The following PTPRN2 variants were observed in gnomAD, a reference collection of about 807,000 sequenced individuals.
PTPRN2 encodes protein tyrosine phosphatase receptor type N2.
A neutral mutation model predicts 118.8 loss-of-function variants in PTPRN2; 74 were observed. That is an observed-to-expected ratio of 0.62 (90% CI 0.52 to 0.76). The LOEUF is 0.76. Among genes scored for constraint, PTPRN2 ranks in the 30% least tolerant of loss-of-function variants. PTPRN2 has a pLI of 0.00. For missense variants in PTPRN2, 1,481 were observed against 1,394.4 expected (o/e 1.06, Z -0.99); for synonymous variants, 641 against 608.0 (o/e 1.05, Z -0.80).
At chr7:158,327,220 C>A (rs562788293) in intron 2 of PTPRN2, among the ~76,000 whole-genome samples, 1 of 151,202 alleles carries the variant, frequency 6.6e-6, no homozygotes, top group East Asian at 1.9e-4. Flanking sequence ...CAAACACACA[C>A]GTAAACATTC....
chr7:158,412,788 C>G (rs1448079422), intron 2 of PTPRN2, among the ~76,000 whole-genome samples: 2 of 139,186 alleles, frequency 1.4e-5, no homozygotes, highest in African/African-American at 5.4e-5. Flanking sequence ...CATCCAGCAC[C>G]CTCCTCAGCT....
intron 14 of PTPRN2, among the ~76,000 whole-genome samples, chr7:157,631,692 C>T (rs540939281): frequency 1.7e-3 from 258 of 152,232 alleles, no homozygotes; most frequent in African/African-American, 5.7e-3. Flanking sequence ...ATTAGCCAGG[C>T]GTGGTGGTGG....
intron 8 of PTPRN2, among the ~76,000 whole-genome samples, chr7:158,136,261 A>T (rs928560514): frequency 1.3e-5 from 2 of 152,238 alleles, no homozygotes; most frequent in Admixed American, 6.5e-5. Context: ...CAGAGGTGCC[A>T]CACGGGACAG....
intron 2 of PTPRN2, among the ~76,000 whole-genome samples, chr7:158,365,299 G>T (rs1809348605): frequency 1.3e-5 from 2 of 152,194 alleles, no homozygotes; most frequent in Admixed American, 6.5e-5. Context: ...GCTGGAGGCA[G>T]ACCTCATCGG....
intron 14 of PTPRN2, among the ~76,000 whole-genome samples, chr7:157,650,901 A>G (rs185354729): frequency 1.2e-4 from 18 of 152,200 alleles, no homozygotes; most frequent in Non-Finnish European, 7.3e-5. Flanking sequence ...AGATCAAACA[A>G]TGAGAGACAG....
intron 2 of PTPRN2, among the ~76,000 whole-genome samples, chr7:158,362,621 G>A (rs991665369): frequency 7.9e-5 from 12 of 152,184 alleles, no homozygotes; most frequent in African/African-American, 2.9e-4. Context: ...AGCCCCAGGA[G>A]CCCCAGTTTC....
Position 157,987,152 on chromosome 7 carries a change from C to T in PTPRN2, c.1724-88415G>A, listed in dbSNP as rs1027893571. Among the ~76,000 whole-genome samples the T allele has an allele frequency of 2.6e-5, 4 of 152,180 alleles. No homozygotes were observed. Among genetic ancestry groups the T allele is most frequent in the African/African-American group, 7.2e-5 (3 of 41,448 alleles). On this transcript the variant is annotated intron_variant, in intron 11 of 22. Coordinates refer to ENST00000389418, the MANE Select transcript of PTPRN2 (RefSeq NM_002847.5). This position sits in a 1 kb window ranked among gnomAD's most constrained non-coding sequence, Gnocchi z 4.3. ...CTGCACTGCCCCAGCACGCCGCCCA[C>T]GCTTGGTCGGCAACACAGAGATTCC...
At chr7:157,959,442 G>A (rs1046506838) in intron 11 of PTPRN2, among the ~76,000 whole-genome samples, 3 of 152,208 alleles carry the variant, frequency 2.0e-5, no homozygotes, top group African/African-American at 4.8e-5. Context: ...CCCAAAGAAT[G>A]AGAGAAAACA....
intron 10 of PTPRN2, among the ~76,000 whole-genome samples, chr7:158,092,256 G>A (rs950198140): frequency 6.9e-6 from 1 of 144,628 alleles, no homozygotes; most frequent in Admixed American, 7.0e-5. Flanking sequence ...ATATATACAT[G>A]TGCATATATA....
intron 1 of PTPRN2, among the ~76,000 whole-genome samples, chr7:158,558,705 T>C (rs1258683735): frequency 6.7e-6 from 1 of 148,242 alleles, no homozygotes; most frequent in Non-Finnish European, 1.5e-5. Flanking sequence ...TCCTCAGTAT[T>C]CACGCCAAGC....
chr7:158,483,047 T>G (rs1285316873), intron 2 of PTPRN2, among the ~76,000 whole-genome samples: 1 of 152,230 alleles, frequency 6.6e-6, no homozygotes, highest in Non-Finnish European at 1.5e-5. Context: ...CAGGCCTTGC[T>G]GAGCCCTTCA....
chr7:158,483,067 A>T (rs1820756917), intron 2 of PTPRN2, among the ~76,000 whole-genome samples: 1 of 152,206 alleles, frequency 6.6e-6, no homozygotes, highest in Admixed American at 6.5e-5. Context: ...AGCCTATGAC[A>T]TCAGAGCACG....
chr7:158,394,934 G>A (rs565444010), intron 2 of PTPRN2, among the ~76,000 whole-genome samples: 1 of 152,320 alleles, frequency 6.6e-6, no homozygotes, highest in East Asian at 1.9e-4. Context: ...TCTGCAACGC[G>A]TCAGCCAGAG....
intron 2 of PTPRN2, among the ~76,000 whole-genome samples, chr7:158,475,322 C>A (rs893992952): frequency 1.0e-5 from 1 of 98,680 alleles, no homozygotes; most frequent in African/African-American, 3.9e-5. Context: ...TGTCTGGGGC[C>A]AGATGCTGCT....
At chr7:157,650,714 G>A (rs917726183) in intron 14 of PTPRN2, among the ~76,000 whole-genome samples, 3 of 152,218 alleles carry the variant, frequency 2.0e-5, no homozygotes, top group African/African-American at 7.2e-5. Context: ...AGGGACTGGG[G>A]CCAGGGGAGC....
chr7:158,382,052 C>T lies in PTPRN2; in HGVS notation c.164-65120G>A, dbSNP rs556224551. On this transcript the variant is annotated intron_variant, in intron 2 of 22. Coordinates refer to ENST00000389418, the MANE Select transcript of PTPRN2 (RefSeq NM_002847.5). ...GTACAGACACAGCCAAACCATATCA[C>T]TAGCCCTAAGGCAGGTGCCAGTTAC... 1.3e-4 allele frequency among the ~76,000 whole-genome samples: 20 copies of T among 152,332 alleles called. No individual in the cohort carries two copies. In the South Asian group the frequency reaches 4.1e-3, roughly 32 times the overall value.
At chr7:157,981,094 A>G (rs557832362) in intron 11 of PTPRN2, among the ~76,000 whole-genome samples, 187 of 152,386 alleles carry the variant, frequency 1.2e-3, no homozygotes, top group African/African-American at 4.2e-3. Flanking sequence ...CAGTTAGATC[A>G]GTAACTTGCA....
intron 6 of PTPRN2, among the ~76,000 whole-genome samples, chr7:158,149,983 CTGTT>C (rs1820792624): frequency 6.6e-6 from 1 of 152,128 alleles, no homozygotes; most frequent in Non-Finnish European, 1.5e-5. Context: ...CAATTCTTTG[CTGTT>C]TGTTAAGCCT....
chr7:158,301,027 G>A (rs1331925410), intron 3 of PTPRN2, among the ~76,000 whole-genome samples: 12 of 152,172 alleles, frequency 7.9e-5, no homozygotes, highest in African/African-American at 2.4e-5. Context: ...AGCAACGCAC[G>A]ATATACAGAT....
Sources: gnomAD v4.1 joint callset for allele counts (sites outside exome capture counted in the v4.1 genomes callset) on GRCh38, gnomAD v4.1.1 for gene constraint, Gnocchi (gnomAD v3.1) non-coding constraint, MANE v1.5 for transcripts, NCBI Gene and HGNC (gene_info 2026-07-23, HGNC 2026-07-21) for gene names.